EML1: variants seen among roughly 807,000 people sequenced by gnomAD.
EML1 encodes EMAP like 1.
EML1 carries 27 observed loss-of-function variants against 110.4 expected under a neutral mutation model. The observed-to-expected ratio is 0.24, with a 90% CI of 0.18 to 0.34. The LOEUF is 0.34. Ranked by LOEUF, EML1 falls within the 10% of genes least tolerant of loss-of-function variation. The pLI is 1.00. For missense variants in EML1, 741 were observed against 1,030.9 expected (o/e 0.72, Z 3.85); for synonymous variants, 344 against 385.8 (o/e 0.89, Z 1.27).
chr14:99,877,751 G>A (rs1205204882), intron 3 of EML1, among the ~76,000 whole-genome samples: 2 of 152,134 alleles, frequency 1.3e-5, no homozygotes, highest in Non-Finnish European at 2.9e-5. Flanking sequence ...CAGCACTATC[G>A]ACGTCTGGGG....
At chr14:99,780,748 A>C (rs1433457576) in intron 1 of EML1, among the ~76,000 whole-genome samples, 2 of 152,122 alleles carry the variant, frequency 1.3e-5, no homozygotes, top group African/African-American at 4.8e-5. Context: ...ACGTTCACAA[A>C]TACTTACCAT....
At chr14:99,797,472 G>A (rs1185536497) in intron 1 of EML1, among the ~76,000 whole-genome samples, 1 of 152,192 alleles carries the variant, frequency 6.6e-6, no homozygotes, top group Non-Finnish European at 1.5e-5. Flanking sequence ...TCTAGGAGCA[G>A]AATTGCTAGG....
intron 4 of EML1, chr14:99,886,163 T>C (rs867896545): frequency 8.7e-5 from 21 of 241,270 alleles, no homozygotes; most frequent in African/African-American, 4.6e-4. Flanking sequence ...AGGAACTTTA[T>C]TTCATCACGT....
At chr14:99,824,621 G>A (rs2058321821) in intron 1 of EML1, among the ~76,000 whole-genome samples, 1 of 151,388 alleles carries the variant, frequency 6.6e-6, no homozygotes, top group Admixed American at 6.7e-5. Context: ...AATCGCTTTA[G>A]GGGTACAGTG....
At chr14:99,916,623 A>G (rs540904144) in intron 15 of EML1, among the ~76,000 whole-genome samples, 29 of 152,128 alleles carry the variant, frequency 1.9e-4, no homozygotes, top group Non-Finnish European at 3.8e-4. Flanking sequence ...TTTCCTAGTG[A>G]TCAAAGTCCT....
chr14:99,770,407 C>CTATCTATCTATCT (rs2057413204), upstream of EML1, among the ~76,000 whole-genome samples: 1 of 151,920 alleles, frequency 6.6e-6, no homozygotes, highest in African/African-American at 2.4e-5. Context: ...ATCTATCTAT[C>CTATCTATCTATCT]TTTTTTATTT....
chr14:99,832,385 C>A (rs996047420), intron 1 of EML1, among the ~76,000 whole-genome samples: 1 of 152,086 alleles, frequency 6.6e-6, no homozygotes, highest in Non-Finnish European at 1.5e-5. Context: ...GCTTTCATTT[C>A]TCTTGGGGAA....
At chr14:99,877,316 G>A (rs937954888) in intron 3 of EML1, among the ~76,000 whole-genome samples, 2 of 152,032 alleles carry the variant, frequency 1.3e-5, no homozygotes, top group African/African-American at 2.4e-5. Flanking sequence ...TCACATTGAG[G>A]GTTAGGGTTT....
intron 5 of EML1, among the ~76,000 whole-genome samples, chr14:99,893,318 G>A (rs753098766): frequency 6.6e-6 from 1 of 152,154 alleles, no homozygotes; most frequent in African/African-American, 2.4e-5. Context: ...ACCCAGGAGA[G>A]CCATAAGACA....
At chr14:99,810,173 C>G (rs1366471779) in intron 1 of EML1, among the ~76,000 whole-genome samples, 3 of 152,192 alleles carry the variant, frequency 2.0e-5, no homozygotes, top group Non-Finnish European at 4.4e-5. Flanking sequence ...ACAGCATTCA[C>G]CTGTCACCGT....
rs139049051 is a variant in EML1, at chr14:99,833,558, A to T, written c.68-17295A>T. ...ATTGATTGCATTGAATCTATACATT[A>T]AATTTTTCTGTAGGGAAAATTGTTA... On this transcript the variant is annotated intron_variant, in intron 1 of 21. Coordinates refer to ENST00000262233, the MANE Select transcript of EML1 (RefSeq NM_004434.3). 1.1e-3 allele frequency among the ~76,000 whole-genome samples: 162 copies of T among 152,330 alleles called. 3 individuals carry two copies. In the East Asian group the frequency reaches 0.027, roughly 25 times the overall value.
intron 1 of EML1, among the ~76,000 whole-genome samples, chr14:99,815,388 G>A (rs1341501640): frequency 6.6e-6 from 1 of 151,946 alleles, no homozygotes; most frequent in African/African-American, 2.4e-5. Context: ...TGATCTGCTC[G>A]CCTCGGCTTC....
At chr14:99,886,763 G>A (rs2059482849) in intron 4 of EML1, among the ~76,000 whole-genome samples, 1 of 152,172 alleles carries the variant, frequency 6.6e-6, no homozygotes, top group Non-Finnish European at 1.5e-5. Context: ...AGTTAATGTA[G>A]ATGAAAGAGA....
chr14:99,849,549 A>G (rs887038538), intron 1 of EML1, among the ~76,000 whole-genome samples: 58 of 141,788 alleles, frequency 4.1e-4, no homozygotes, highest in African/African-American at 1.3e-3. Flanking sequence ...TTATTTATTT[A>G]TTTATTTGTT....
At position 99,743,549 on chromosome 14, in the gene EML1, G is replaced by A. The variant is rs181236041; in HGVS notation, c.28+5689G>A. On this transcript the variant is annotated intron_variant, in intron 1 of 10. Transcript: ENST00000554479. ...CGGCCTGAGAGATGCTGATTTGTTA[G>A]CACCCACCCGCTTATCTGTTATCCA... Among the ~76,000 whole-genome samples the A allele has an allele frequency of 2.0e-3, 307 of 152,280 alleles. 3 individuals carry two copies. Among genetic ancestry groups the A allele is most frequent in the African/African-American group, 7.1e-3 (294 of 41,562 alleles).
intron 1 of EML1, among the ~76,000 whole-genome samples, chr14:99,806,908 T>C (rs1337115129): frequency 6.6e-6 from 1 of 152,174 alleles, no homozygotes; most frequent in East Asian, 1.9e-4. Context: ...TGATCGCCAA[T>C]AACATGCATT....
chr14:99,783,746 G>T (rs1047967807), intron 1 of EML1, among the ~76,000 whole-genome samples: 8 of 152,240 alleles, frequency 5.3e-5, no homozygotes. Context: ...GCCTCCCAAA[G>T]TGCTGGGATT....
intron 4 of EML1, among the ~76,000 whole-genome samples, chr14:99,890,740 C>T (rs1034812301): frequency 2.0e-5 from 3 of 152,196 alleles, no homozygotes. Flanking sequence ...TGTTCACCCA[C>T]TTGTCTTCCG....
At chr14:99,750,800 G>C (rs925531529) in intron 1 of EML1, among the ~76,000 whole-genome samples, 1 of 152,042 alleles carries the variant, frequency 6.6e-6, no homozygotes, top group African/African-American at 2.4e-5. Context: ...CCACCACCCC[G>C]AGTCTAACCC....
Sources: gnomAD v4.1 joint callset for allele counts (sites outside exome capture counted in the v4.1 genomes callset) on GRCh38, gnomAD v4.1.1 for gene constraint, MANE v1.5 for transcripts, NCBI Gene and HGNC (gene_info 2026-07-23, HGNC 2026-07-21) for gene names.